Variants in CELF4 observed in about 807,000 individuals in gnomAD.
The protein encoded by CELF4 is CUGBP Elav-like family member 4.
CELF4 carries 18 observed loss-of-function variants against 59.9 expected under a neutral mutation model. The ratio of observed to expected loss-of-function variants is 0.30; its 90% CI spans 0.21 to 0.45. The LOEUF is 0.45. Ranked by LOEUF, CELF4 falls within the 20% of genes least tolerant of loss-of-function variation. CELF4 has a pLI of 1.00. For synonymous variants in CELF4, 261 were observed against 267.1 expected, an observed-to-expected ratio of 0.98 and a Z score of 0.22; for missense variants, 456 against 689.0, an observed-to-expected ratio of 0.66 and a Z score of 3.79.
chr18:37,339,481 C>G (rs934240548), intron 2 of CELF4, among the ~76,000 whole-genome samples: 1 of 152,188 alleles, frequency 6.6e-6, no homozygotes, highest in Non-Finnish European at 1.5e-5. Context: ...TGGCCAGGCA[C>G]AGTGGCTCAT....
At chr18:37,420,097 C>A (rs916761119) in intron 2 of CELF4, among the ~76,000 whole-genome samples, 6 of 152,162 alleles carry the variant, frequency 3.9e-5, no homozygotes, top group Non-Finnish European at 5.9e-5. Context: ...CCATCCAAGC[C>A]CTGGCCTAAA....
At chr18:37,494,916 G>T (rs372000868) in intron 1 of CELF4, among the ~76,000 whole-genome samples, 1 of 152,126 alleles carries the variant, frequency 6.6e-6, no homozygotes, top group Non-Finnish European at 1.5e-5. Flanking sequence ...TCTTCTTCCC[G>T]CAGACACCCA....
rs552190271 is a variant in CELF4, at chr18:37,439,504, A to T, written c.369+46021T>A. Among the ~76,000 whole-genome samples, 5 of 152,252 alleles carry T rather than the reference A, an allele frequency of 3.3e-5. No individual in the cohort carries two copies. The South Asian group carries it at 1.0e-3, about 32-fold the overall frequency. ...CCTGGACATCCACAGCCCTGCTATCAGTGTCCAAATGACCTTATTTCCTCT... is the reference window on the plus strand; with the variant it reads ...CCTGGACATCCACAGCCCTGCTATCTGTGTCCAAATGACCTTATTTCCTCT... On this transcript the variant is annotated intron_variant, in intron 2 of 12. Transcript: ENST00000420428.
intron 2 of CELF4, among the ~76,000 whole-genome samples, chr18:37,466,086 G>A (rs917583019): frequency 6.6e-6 from 1 of 152,214 alleles, no homozygotes; most frequent in African/African-American, 2.4e-5. Flanking sequence ...GCTGGGATGA[G>A]GCTCCACAAG....
chr18:37,385,697 T>G (rs563567247), intron 2 of CELF4, among the ~76,000 whole-genome samples: 52 of 152,244 alleles, frequency 3.4e-4, no homozygotes, highest in Non-Finnish European at 6.5e-4. Flanking sequence ...GAATGCTTTT[T>G]CTATGATATT....
intron 1 of CELF4, among the ~76,000 whole-genome samples, chr18:37,495,890 G>T (rs1305463652): frequency 1.3e-5 from 2 of 152,060 alleles, no homozygotes; most frequent in Non-Finnish European, 2.9e-5. Flanking sequence ...GGGCTTCTCT[G>T]ACTCTTATCT....
At chr18:37,316,085 C>T (rs2096860075) in intron 3 of CELF4, among the ~76,000 whole-genome samples, 1 of 152,110 alleles carries the variant, frequency 6.6e-6, no homozygotes. Context: ...ATGGAGACTC[C>T]ATTTAGAAGC....
chr18:37,542,553 G>A (rs1182787642), intron 1 of CELF4, among the ~76,000 whole-genome samples: 3 of 152,184 alleles, frequency 2.0e-5, no homozygotes, highest in African/African-American at 7.2e-5. Context: ...GGAAGTTAGG[G>A]CAGTTAAACT....
intron 11 of CELF4, 186 bp downstream of exon 11, chr18:37,258,995 G>A (rs1442869505): frequency 5.0e-6 from 4 of 798,494 alleles, no homozygotes; most frequent in Non-Finnish European, 8.0e-6. Flanking sequence ...AGGCTGGTGA[G>A]GGCCATGGAG....
At chr18:37,534,997 C>G (rs1012248038) in intron 1 of CELF4, among the ~76,000 whole-genome samples, 8 of 152,218 alleles carry the variant, frequency 5.3e-5, no homozygotes, top group African/African-American at 1.7e-4. Flanking sequence ...CTTGCGATGT[C>G]TACATGGCAG....
At chr18:37,491,889 T>C (rs2099906832) in intron 1 of CELF4, among the ~76,000 whole-genome samples, 1 of 152,178 alleles carries the variant, frequency 6.6e-6, no homozygotes, top group African/African-American at 2.4e-5. Flanking sequence ...GAGATGGCAG[T>C]AATTTACAAA....
intron 3 of CELF4, among the ~76,000 whole-genome samples, chr18:37,314,674 T>G (rs1286854089): frequency 2.6e-5 from 4 of 152,080 alleles, no homozygotes; most frequent in African/African-American, 9.7e-5. Flanking sequence ...GCCCCCTTCC[T>G]GGCTGGTGCC....
At chr18:37,297,878 C>T (rs2095755748) in intron 3 of CELF4, among the ~76,000 whole-genome samples, 1 of 151,740 alleles carries the variant, frequency 6.6e-6, no homozygotes, top group Non-Finnish European at 1.5e-5. Context: ...GGCCCAGATG[C>T]CAGACCCTGT....
chr18:37,438,874 T>G (rs1170709651), intron 2 of CELF4, among the ~76,000 whole-genome samples: 2 of 152,276 alleles, frequency 1.3e-5, no homozygotes, highest in South Asian at 2.1e-4. Context: ...TTCAATTCTC[T>G]CCCCAAATTG....
intron 2 of CELF4, among the ~76,000 whole-genome samples, chr18:37,416,681 T>C (rs1245318541): frequency 6.6e-6 from 1 of 152,192 alleles, no homozygotes; most frequent in Non-Finnish European, 1.5e-5. Flanking sequence ...TTCTCATGCA[T>C]CAAGCCCAGG....
chr18:37,277,144 C>T (rs565978555), intron 3 of CELF4, among the ~76,000 whole-genome samples: 121 of 152,356 alleles, frequency 7.9e-4, no homozygotes, highest in African/African-American at 2.8e-3. Context: ...GCTGGTACTC[C>T]TCAGTCCAGA....
chr18:37,321,122 G>A (rs979699562), intron 3 of CELF4, among the ~76,000 whole-genome samples: 4 of 152,180 alleles, frequency 2.6e-5, no homozygotes, highest in African/African-American at 9.7e-5. Flanking sequence ...ACTGTGCCAA[G>A]AGGATGCTGT....
intron 1 of CELF4, among the ~76,000 whole-genome samples, chr18:37,519,594 A>C (rs1284804888): frequency 6.6e-6 from 1 of 152,212 alleles, no homozygotes; most frequent in African/African-American, 2.4e-5. Context: ...GTCAGTCTGC[A>C]GCAGTATGTA....
At chr18:37,542,719 T>C (rs1228521623) in intron 1 of CELF4, among the ~76,000 whole-genome samples, 1 of 152,220 alleles carries the variant, frequency 6.6e-6, no homozygotes, top group Non-Finnish European at 1.5e-5. Flanking sequence ...CTTATTATTA[T>C]GATTATGATT....
Sources: gnomAD v4.1 joint callset for allele counts (sites outside exome capture counted in the v4.1 genomes callset) on GRCh38, gnomAD v4.1.1 for gene constraint, MANE v1.5 for transcripts, NCBI Gene and HGNC (gene_info 2026-07-23, HGNC 2026-07-21) for gene names.